TUSC3: variants seen among roughly 807,000 people sequenced by gnomAD.
TUSC3 encodes dolichyl-diphosphooligosaccharide--protein glycosyltransferase subunit TUSC3.
TUSC3 carries 45 observed loss-of-function variants against 44.8 expected under a neutral mutation model. The observed-to-expected ratio is 1.00, with a 90% CI of 0.79 to 1.29. TUSC3 has a LOEUF of 1.29. TUSC3 is among the 50% of genes most tolerant of loss of function. The pLI, the probability that TUSC3 is intolerant of heterozygous loss-of-function variation, is 0.00. For missense variants in TUSC3, 519 were observed against 437.9 expected (o/e 1.19, Z -1.65); for synonymous variants, 212 against 152.9 (o/e 1.39, Z -2.85).
chr8:15,838,416 T>C, the TUSC3 span, among the ~76,000 whole-genome samples: 6 of 152,264 alleles, frequency 3.9e-5, no homozygotes, highest in African/African-American at 1.2e-4. Flanking sequence ...AGTTTCCAGA[T>C]TCAACTATAT....
intron 1 of TUSC3, among the ~76,000 whole-genome samples, chr8:15,596,870 C>G (rs981999187): frequency 3.9e-5 from 6 of 152,030 alleles, no homozygotes; most frequent in African/African-American, 1.4e-4. Context: ...ATTATTATTT[C>G]AAATAATAGA....
At chr8:15,459,900 A>G (rs998540769) in intron 1 of TUSC3, among the ~76,000 whole-genome samples, 3 of 151,932 alleles carry the variant, frequency 2.0e-5, no homozygotes, top group African/African-American at 4.8e-5. Context: ...ACATACATAC[A>G]TACACACATA....
At chr8:15,756,185 G>A (rs1273975306) in intron 9 of TUSC3, among the ~76,000 whole-genome samples, 1 of 152,112 alleles carries the variant, frequency 6.6e-6, no homozygotes, top group Non-Finnish European at 1.5e-5. Context: ...ATCCAGGTTT[G>A]AATTTTGGTT....
intron 2 of TUSC3, among the ~76,000 whole-genome samples, chr8:15,495,831 C>A (rs1585065613): frequency 6.6e-6 from 1 of 152,222 alleles, no homozygotes; most frequent in African/African-American, 2.4e-5. Context: ...TATAACCATC[C>A]ACTTTTAGTT....
At chr8:15,613,768 T>C (rs1015226102) in intron 1 of TUSC3, among the ~76,000 whole-genome samples, 3 of 152,198 alleles carry the variant, frequency 2.0e-5, no homozygotes, top group Admixed American at 6.5e-5. Context: ...TTATAGATAT[T>C]TCTGTTCTCC....
At chr8:15,719,514 CACCACACACACACA>C (rs1259022955) in intron 6 of TUSC3, among the ~76,000 whole-genome samples, 91 of 134,446 alleles carry the variant, frequency 6.8e-4, no homozygotes, top group African/African-American at 1.5e-3. Context: ...CACACACACA[CACCACACACACACA>C]CACACACACA....
At chr8:15,455,813 T>C (rs1017993290) in intron 1 of TUSC3, among the ~76,000 whole-genome samples, 13 of 152,124 alleles carry the variant, frequency 8.5e-5, no homozygotes, top group Non-Finnish European at 1.9e-4. Flanking sequence ...TAAAAGCCCT[T>C]CCCCAAAACT....
At chr8:15,792,141 CACA>C in the TUSC3 span, among the ~76,000 whole-genome samples, 75 of 152,114 alleles carry the variant, frequency 4.9e-4, no homozygotes, top group African/African-American at 1.7e-3. Flanking sequence ...CACACACACA[CACA>C]CCCTCTACCC....
intron 7 of TUSC3, among the ~76,000 whole-genome samples, chr8:15,731,916 T>C (rs1191145604): frequency 6.6e-6 from 1 of 152,176 alleles, no homozygotes; most frequent in Non-Finnish European, 1.5e-5. Context: ...AGTGGTGGTA[T>C]ATAGTGATTA....
At chr8:15,513,393 A>T (rs1801169970) in intron 2 of TUSC3, among the ~76,000 whole-genome samples, 1 of 152,176 alleles carries the variant, frequency 6.6e-6, no homozygotes, top group African/African-American at 2.4e-5. Flanking sequence ...TATCTTTCCT[A>T]GGGATATTTG....
intron 7 of TUSC3, among the ~76,000 whole-genome samples, chr8:15,732,230 C>T (rs187418332): frequency 1.8e-4 from 28 of 152,282 alleles, no homozygotes; most frequent in Middle Eastern, 3.4e-3. Flanking sequence ...TAAATCTCAC[C>T]TTGAATTGTA....
chr8:15,540,414 G>A lies in TUSC3; in HGVS notation c.-17G>A. Reference sequence around the variant, plus strand: ...GCGCACGGCTACCGCGCGTGGAGGAGACACTGCCCTGCCGCGATGGGGGCC... The same window carrying A: ...GCGCACGGCTACCGCGCGTGGAGGAAACACTGCCCTGCCGCGATGGGGGCC... On this transcript the variant is annotated 5_prime_UTR_variant, in exon 1 of 11. Coordinates refer to ENST00000503731, the MANE Select transcript of TUSC3 (RefSeq NM_006765.4). 2 of 1,564,502 alleles carry A rather than the reference G, an allele frequency of 1.3e-6. No homozygotes were observed. The highest frequency in any genetic ancestry group is 1.7e-6 in the Non-Finnish European group (2 of 1,156,714).
the TUSC3 span, among the ~76,000 whole-genome samples, chr8:15,851,835 T>C: frequency 6.6e-6 from 1 of 152,180 alleles, no homozygotes; most frequent in East Asian, 1.9e-4. Context: ...GCTCCCATAA[T>C]TCCCACGTGT....
At chr8:15,820,266 A>C in the TUSC3 span, among the ~76,000 whole-genome samples, 1 of 151,554 alleles carries the variant, frequency 6.6e-6, no homozygotes, top group African/African-American at 2.4e-5. Flanking sequence ...TATTTTGTTA[A>C]GAATTTCTGC....
At chr8:15,617,195 A>C (rs1285173022) in intron 1 of TUSC3, among the ~76,000 whole-genome samples, 1 of 138,172 alleles carries the variant, frequency 7.2e-6, no homozygotes, top group Non-Finnish European at 1.5e-5. Context: ...GTTGCAGTGC[A>C]GTGGTGTGAT....
chr8:15,817,034 G>C, the TUSC3 span, among the ~76,000 whole-genome samples: 5 of 152,100 alleles, frequency 3.3e-5, no homozygotes, highest in African/African-American at 9.7e-5. Flanking sequence ...TTTGGAACTT[G>C]CTTTTTAAAA....
the TUSC3 span, among the ~76,000 whole-genome samples, chr8:15,810,657 G>A: frequency 2.6e-3 from 392 of 151,528 alleles, 1 homozygote; most frequent in Middle Eastern, 0.01. Flanking sequence ...GAGGGGGGGC[G>A]GGAAAGAAAA....
chr8:15,839,425 T>G, the TUSC3 span, among the ~76,000 whole-genome samples: 1 of 152,104 alleles, frequency 6.6e-6, no homozygotes, highest in African/African-American at 2.4e-5. Context: ...AGGGCATCCC[T>G]GAGTGAACAG....
Position 15,650,747 on chromosome 8 carries a change from C to G in TUSC3, c.359C>G (p.Ser120Cys). The change falls in exon 3 of 11, where the codon TCT becomes TGT. Residue 120 changes from serine to cysteine, a missense_variant. By Grantham distance (112) the Ser-to-Cys change is moderately radical. Transcript: ENST00000503731. The part of the protein sequence containing the change: ...QILANSWRYS[S>C]AFCNKLFFSM... Reference sequence around the variant, plus strand: ...CTGGCGAACTCCTGGCGCTATTCATCTGCTTTTTGTAACAAGCTCTTCTTC... The same window carrying G: ...CTGGCGAACTCCTGGCGCTATTCATGTGCTTTTTGTAACAAGCTCTTCTTC... 5.6e-6 allele frequency: 9 copies of G among 1,614,126 alleles called. No homozygotes were observed. Among genetic ancestry groups the G allele is most frequent in the Non-Finnish European group, 7.6e-6 (9 of 1,180,026 alleles).
Sources: gnomAD v4.1 joint callset for allele counts (sites outside exome capture counted in the v4.1 genomes callset) on GRCh38, gnomAD v4.1.1 for gene constraint, MANE v1.5 for transcripts, NCBI Gene and HGNC (gene_info 2026-07-23, HGNC 2026-07-21) for gene names.